CTNNA3: variants seen among roughly 807,000 people sequenced by gnomAD.
CTNNA3 encodes the protein catenin alpha 3, also known as catenin alpha-3.
A neutral mutation model predicts 95.7 loss-of-function variants in CTNNA3; 76 were observed. The ratio of observed to expected loss-of-function variants is 0.79; its 90% CI spans 0.66 to 0.96. The LOEUF is 0.96. Ranked by LOEUF, CTNNA3 falls within the 40% of genes least tolerant of loss-of-function variation. The pLI is 0.00. For synonymous variants in CTNNA3, 431 were observed against 374.4 expected, an observed-to-expected ratio of 1.15 and a Z score of -1.74; for missense variants, 1,191 against 1,089.8, an observed-to-expected ratio of 1.09 and a Z score of -1.31.
intron 6 of CTNNA3, among the ~76,000 whole-genome samples, chr10:67,186,172 AAT>A (rs1178886569): frequency 6.6e-6 from 1 of 152,236 alleles, no homozygotes; most frequent in Non-Finnish European, 1.5e-5. Flanking sequence ...AGAAACAGTG[AAT>A]ATGTCTCCAG....
rs559659814 is a variant in CTNNA3 at position 66,294,558 on chromosome 10, T to A, written c.1733-13937A>T. Among the ~76,000 whole-genome samples, 3 of 152,124 alleles carry A rather than the reference T, an allele frequency of 2.0e-5. No individual in the cohort carries two copies. In the South Asian group the frequency reaches 6.2e-4, roughly 32 times the overall value. ...AGAAAAGCTGAAACAGGAAGACAAG[T>A]TAGGAGGTTTTAGAGTAGGCTAGAA... On this transcript the variant is annotated intron_variant, in intron 12 of 17. Coordinates refer to ENST00000433211, the MANE Select transcript of CTNNA3 (RefSeq NM_013266.4).
chr10:66,716,078 T>C (rs892530781), intron 9 of CTNNA3, among the ~76,000 whole-genome samples: 3 of 152,132 alleles, frequency 2.0e-5, no homozygotes, highest in African/African-American at 7.2e-5. Context: ...CACTATCCAT[T>C]TGCTTGCCAA....
In CTNNA3 at chr10:66,845,725, A is replaced by AAAAAAAAAAAAC. The variant is rs1160996707; in HGVS notation, c.1048-70202_1048-70201insGTTTTTTTTTTT. ...TCTCAAAAAAAAAAAAAAAAAAAAA[A>AAAAAAAAAAAAC]AAAACTAAAAAGGTGAGATATATAT... On this transcript the variant is annotated intron_variant, in intron 7 of 17. Transcript: ENST00000433211. Among the ~76,000 whole-genome samples the AAAAAAAAAAAAC allele has an allele frequency of 7.0e-4, 70 of 100,366 alleles. 7 individuals are homozygous for AAAAAAAAAAAAC. Among genetic ancestry groups the AAAAAAAAAAAAC allele is most frequent in the Non-Finnish European group, 1.1e-3 (50 of 46,976 alleles). 65.8% of individuals were successfully genotyped at this position (100,366 alleles called of 152,430 possible).
chr10:66,662,977 C>T (rs149403359), intron 9 of CTNNA3, among the ~76,000 whole-genome samples: 206 of 152,216 alleles, frequency 1.4e-3, no homozygotes, highest in Admixed American at 0.012. Flanking sequence ...CTTGAACCCA[C>T]TCCAGTCAAG....
Position 67,092,896 on chromosome 10 carries a change from T to C in CTNNA3, c.1047+87421A>G, listed in dbSNP as rs530307464. Among the ~76,000 whole-genome samples, 4 of 152,142 alleles carry C rather than the reference T, an allele frequency of 2.6e-5. No individual in the cohort carries two copies. In the East Asian group the frequency reaches 7.8e-4, roughly 30 times the overall value. On this transcript the variant is annotated intron_variant, in intron 7 of 17. Transcript: ENST00000433211. Reference sequence around the variant, plus strand: ...ATTATTCCTAAGGGAATTTCCTAAATAATGGGTCAGCTACTACTACTCATT... The same window carrying C: ...ATTATTCCTAAGGGAATTTCCTAAACAATGGGTCAGCTACTACTACTCATT...
intron 7 of CTNNA3, among the ~76,000 whole-genome samples, chr10:66,799,252 A>G (rs1278432652): frequency 6.6e-6 from 1 of 151,674 alleles, no homozygotes; most frequent in Non-Finnish European, 1.5e-5. Context: ...TGTGACTAAT[A>G]AAAACTAAAA....
chr10:66,778,678 TA>T (rs112869994), intron 7 of CTNNA3, among the ~76,000 whole-genome samples: 14 of 148,652 alleles, frequency 9.4e-5, no homozygotes, highest in East Asian at 2.0e-4. Context: ...AAGACTTTAT[TA>T]AAAAAAAAAA....
chr10:67,519,105 AG>A (rs1369399393), intron 5 of CTNNA3, among the ~76,000 whole-genome samples: 1 of 152,146 alleles, frequency 6.6e-6, no homozygotes, highest in Non-Finnish European at 1.5e-5. Flanking sequence ...GCTGATGTGC[AG>A]GCACTCACTC....
chr10:66,918,670 T>C (rs1846620476), intron 7 of CTNNA3, among the ~76,000 whole-genome samples: 1 of 152,134 alleles, frequency 6.6e-6, no homozygotes, highest in Admixed American at 6.6e-5. Flanking sequence ...CAAAAACAAA[T>C]GCAATGTGTG....
chr10:66,651,427 G>C (rs1564595345), intron 9 of CTNNA3, among the ~76,000 whole-genome samples: 1 of 150,692 alleles, frequency 6.6e-6, no homozygotes, highest in South Asian at 2.1e-4. Context: ...CAGGATCCCT[G>C]GGCTGAGCTG....
intron 15 of CTNNA3, among the ~76,000 whole-genome samples, chr10:66,031,628 G>A (rs567865265): frequency 6.6e-6 from 1 of 152,260 alleles, no homozygotes; most frequent in African/African-American, 2.4e-5. Flanking sequence ...AACTACCTGG[G>A]TGATGGGATC....
chr10:67,483,663 A>G (rs1425500459), intron 5 of CTNNA3, among the ~76,000 whole-genome samples: 2 of 151,830 alleles, frequency 1.3e-5, no homozygotes, highest in East Asian at 3.9e-4. Flanking sequence ...ATGCTAAATG[A>G]CGAGTTAATG....
At chr10:66,393,239 C>T (rs1021850482) in intron 11 of CTNNA3, among the ~76,000 whole-genome samples, 2 of 151,940 alleles carry the variant, frequency 1.3e-5, no homozygotes, top group African/African-American at 2.4e-5. Flanking sequence ...ATAGGTAGAG[C>T]GTAGGGGATT....
chr10:66,089,613 C>T (rs1326093139), intron 14 of CTNNA3, among the ~76,000 whole-genome samples: 1 of 151,834 alleles, frequency 6.6e-6, no homozygotes, highest in Non-Finnish European at 1.5e-5. Context: ...TTTATAAACA[C>T]TATATTTTAA....
At position 67,615,440 on chromosome 10, in the gene CTNNA3, T is replaced by C. The variant is rs1287241795; in HGVS notation, c.100-8391A>G. On this transcript the variant is annotated intron_variant, in intron 2 of 17. Coordinates refer to ENST00000433211, the MANE Select transcript of CTNNA3 (RefSeq NM_013266.4). ...TAAACACAACTAGGAAAAGACCACATGCTGAGAATAATACCAAATTAGTTT... is the reference window on the plus strand; with the variant it reads ...TAAACACAACTAGGAAAAGACCACACGCTGAGAATAATACCAAATTAGTTT... 2.6e-5 allele frequency among the ~76,000 whole-genome samples: 4 copies of C among 152,300 alleles called. No homozygotes were observed. In the East Asian group the frequency reaches 7.7e-4, roughly 29 times the overall value.
At chr10:66,136,206 A>G (rs868281255) in intron 13 of CTNNA3, among the ~76,000 whole-genome samples, 7 of 152,302 alleles carry the variant, frequency 4.6e-5, no homozygotes, top group Middle Eastern at 3.4e-3. Flanking sequence ...CAGGCCACGT[A>G]ACACAATTTA....
chr10:66,629,377 C>T (rs1432412615), intron 9 of CTNNA3, among the ~76,000 whole-genome samples: 1 of 152,006 alleles, frequency 6.6e-6, no homozygotes, highest in Admixed American at 6.6e-5. Flanking sequence ...AACATTTTAC[C>T]TCTCAGTAAT....
intron 14 of CTNNA3, among the ~76,000 whole-genome samples, chr10:66,082,786 C>T (rs1247402271): frequency 1.3e-5 from 2 of 152,080 alleles, no homozygotes; most frequent in Admixed American, 6.6e-5. Context: ...TCAGCAAATA[C>T]AGAATAATTT....
rs753973882 is a variant in CTNNA3, at chr10:66,553,517, C to CTTT, written c.1375-32747_1375-32745dup. On this transcript the variant is annotated intron_variant, in intron 10 of 17. Coordinates refer to ENST00000433211, the MANE Select transcript of CTNNA3 (RefSeq NM_013266.4). ...AGATCTAATGATGAACAATACTTTT[C>CTTT]TTTTTTTTTTTTTTTTTTTTTTTTT... Among the ~76,000 whole-genome samples the CTTT allele has an allele frequency of 3.1e-3, 162 of 52,222 alleles. 28 individuals are homozygous for CTTT. The highest frequency in any genetic ancestry group is 7.5e-3 in the East Asian group (10 of 1,334). The allele number at this position is 52,222 out of a possible 152,430, so 34.3% of individuals were successfully genotyped here.
Sources: allele counts gnomAD v4.1 joint callset (sites outside exome capture counted in the v4.1 genomes callset), GRCh38; gene constraint gnomAD v4.1.1; transcripts MANE v1.5; gene names NCBI Gene and HGNC (gene_info 2026-07-23, HGNC 2026-07-21).